Variants in GLYATL1B observed in about 807,000 individuals in gnomAD.
The protein encoded by GLYATL1B is glycine-N-acyltransferase like 1B.
In GLYATL1B, 6 loss-of-function variants were observed where a neutral mutation model predicts 5.5. That is an observed-to-expected ratio of 1.09 (90% CI 0.60 to 2.15). The LOEUF (loss-of-function observed/expected upper bound fraction) is 2.15. GLYATL1B is among the 30% of genes most tolerant of loss of function. GLYATL1B has a pLI of 0.00. For synonymous variants in GLYATL1B, 67 were observed against 34.9 expected, an observed-to-expected ratio of 1.92 and a Z score of -3.24; for missense variants, 135 against 94.1, an observed-to-expected ratio of 1.43 and a Z score of -1.80.
At chr11:59,087,625 G>A (rs1033089802) in intron 2 of GLYATL1B, among the ~76,000 whole-genome samples, 7 of 152,112 alleles carry the variant, frequency 4.6e-5, no homozygotes, top group East Asian at 1.9e-4. Context: ...CAGGAGGATC[G>A]CTTGAGGCCA....
intron 2 of GLYATL1B, among the ~76,000 whole-genome samples, chr11:59,089,416 A>G (rs1859261890): frequency 6.6e-6 from 1 of 152,204 alleles, no homozygotes; most frequent in African/African-American, 2.4e-5. Flanking sequence ...CTAAGTAGGC[A>G]CTGCCAGACT....
intron 2 of GLYATL1B, among the ~76,000 whole-genome samples, chr11:59,091,434 G>A (rs1047726213): frequency 6.6e-6 from 1 of 152,176 alleles, no homozygotes; most frequent in Non-Finnish European, 1.5e-5. Flanking sequence ...AGTATGGACA[G>A]ATCCCATCAC....
intron 2 of GLYATL1B, among the ~76,000 whole-genome samples, chr11:59,088,580 A>G (rs1219417492): frequency 6.6e-6 from 1 of 152,226 alleles, no homozygotes; most frequent in East Asian, 1.9e-4. Flanking sequence ...ACGCTAAATA[A>G]CTGTATGAAC....
intron 2 of GLYATL1B, among the ~76,000 whole-genome samples, chr11:59,092,708 C>A (rs1859342548): frequency 6.6e-6 from 1 of 152,336 alleles, no homozygotes; most frequent in Admixed American, 6.5e-5. Flanking sequence ...TCACAAGTAT[C>A]TTTCTTTAAA....
At chr11:59,093,351 G>A (rs185764555) in intron 2 of GLYATL1B, among the ~76,000 whole-genome samples, 178 bp from the exon 3 acceptor site, 95 of 152,298 alleles carry the variant, frequency 6.2e-4, no homozygotes, top group Non-Finnish European at 7.8e-4. Context: ...CAGTTACACA[G>A]GTAAGAGGTC....
chr11:59,092,759 C>A (rs1336369846), intron 2 of GLYATL1B, among the ~76,000 whole-genome samples: 2 of 152,148 alleles, frequency 1.3e-5, no homozygotes, highest in African/African-American at 4.8e-5. Context: ...CAGAGTGCTA[C>A]GGAAAATTCA....
chr11:59,087,535 G>C (rs1859215589), intron 2 of GLYATL1B, among the ~76,000 whole-genome samples: 1 of 152,082 alleles, frequency 6.6e-6, no homozygotes, highest in South Asian at 2.1e-4. Context: ...AACCAAGGCA[G>C]TAGTCTACCA....
intron 2 of GLYATL1B, among the ~76,000 whole-genome samples, chr11:59,087,570 C>T (rs1257234849): frequency 1.3e-5 from 2 of 152,136 alleles, no homozygotes; most frequent in African/African-American, 4.8e-5. Flanking sequence ...CATGGCCAGG[C>T]ATGATGTCTT....
chr11:59,093,045 C>G (rs560055090), intron 2 of GLYATL1B, among the ~76,000 whole-genome samples: 17 of 152,228 alleles, frequency 1.1e-4, no homozygotes, highest in South Asian at 6.2e-4. Flanking sequence ...TCAGTACAAC[C>G]CAGAATATGT....
At position 59,089,219 on chromosome 11, in the gene GLYATL1B, T is replaced by C. The variant is rs1859256986; in HGVS notation, c.186+2048T>C. Among the ~76,000 whole-genome samples the C allele has an allele frequency of 4.6e-5, 7 of 152,334 alleles. No homozygotes were observed. In the South Asian group the frequency reaches 1.0e-3, roughly 23 times the overall value. ...TTGTTTTAATAACTGTGGCGTTCCA[T>C]AGAGTCAATGCAATGCTATTTAGTC... On this transcript the variant is annotated intron_variant, in intron 2 of 4. Transcript: ENST00000527482.
intron 2 of GLYATL1B, among the ~76,000 whole-genome samples, chr11:59,092,171 TC>T (rs1180560635): frequency 6.6e-6 from 1 of 151,930 alleles, no homozygotes; most frequent in Non-Finnish European, 1.5e-5. Context: ...CTTTTTTTTT[TC>T]TTTTTTCTCT....
intron 2 of GLYATL1B, among the ~76,000 whole-genome samples, chr11:59,088,336 C>T (rs1220073007): frequency 6.6e-6 from 1 of 152,000 alleles, no homozygotes; most frequent in Non-Finnish European, 1.5e-5. Flanking sequence ...ATTTTTTGGC[C>T]CTAAAGACTT....
At chr11:59,089,069 TC>T (rs1859253003) in intron 2 of GLYATL1B, among the ~76,000 whole-genome samples, 1 of 152,202 alleles carries the variant, frequency 6.6e-6, no homozygotes, top group Non-Finnish European at 1.5e-5. Context: ...TTTGGGGTAA[TC>T]GGTGTCCTTG....
At position 59,094,003 on chromosome 11, in the gene GLYATL1B, C is replaced by T. The variant is rs1314156389; in HGVS notation, c.383C>T (p.Ser128Leu). The stretch of plus-strand genomic sequence containing the variant: ...TCAAATTCAGTGAAGGTAGAGCATT[C>T]GAGAGCACTCCTCTTTGTTACGGAA... ...AFSNSVKVEH[S>L]RALLFVTEDI... Residue 128 changes from serine to leucine, a missense_variant, in exon 4 of 5, where the codon TCG becomes TTG. By Grantham distance (145) the Ser-to-Leu change is moderately radical. Coordinates refer to ENST00000527482, the MANE Select transcript of GLYATL1B (RefSeq NM_001355566.1). 10 of 716,854 alleles carry T rather than the reference C, an allele frequency of 1.4e-5. No individual in the cohort carries two copies. The highest frequency in any genetic ancestry group is 1.6e-5 in the South Asian group (1 of 61,694). The allele number at this position is 716,854 out of a possible 1,614,324, so 44.4% of individuals were successfully genotyped here.
chr11:59,094,326 G>T, intron 4 of GLYATL1B, 43 bp from the exon 5 acceptor site: 2 of 493,334 alleles, frequency 4.1e-6, no homozygotes, highest in South Asian at 9.7e-5. Flanking sequence ...GAAATTACAG[G>T]AGTGGGGATG....
chr11:59,094,407 C>T lies in GLYATL1B; in HGVS notation c.530C>T (p.Ser177Phe). 1.6e-6 allele frequency: 1 copy of T among 634,038 alleles called. No individual in the cohort carries two copies. Among genetic ancestry groups the T allele is most frequent in the Non-Finnish European group, 2.9e-6 (1 of 350,364 alleles). 39.3% of individuals were successfully genotyped at this position (634,038 alleles called of 1,614,324 possible). A position where few individuals can be genotyped will look rare whatever the true frequency, so the allele number is the denominator to read the frequency against. The change falls in exon 5 of 5, where the codon TCT (serine) becomes TTT (phenylalanine). Residue 177 changes from serine to phenylalanine, a missense_variant. By Grantham distance (155) the Ser-to-Phe change is radical (BLOSUM62 -2). Transcript: ENST00000527482. ...TTTAAGTATGCCCAGCTGAATGTGT[C>T]TTATTCTGGGCTGGTAAATGACAAC... ...PNFKYAQLNVSYSGLVNDNWK... is the reference protein window; with the variant it reads ...PNFKYAQLNVFYSGLVNDNWK...
At chr11:59,088,820 C>G (rs1859247319) in intron 2 of GLYATL1B, among the ~76,000 whole-genome samples, 1 of 152,176 alleles carries the variant, frequency 6.6e-6, no homozygotes, top group Non-Finnish European at 1.5e-5. Context: ...AATACATTCA[C>G]TTAGTCTGAT....
chr11:59,091,912 C>A (rs752516027), intron 2 of GLYATL1B, among the ~76,000 whole-genome samples: 18 of 152,172 alleles, frequency 1.2e-4, no homozygotes, highest in Non-Finnish European at 2.4e-4. Flanking sequence ...TCCTTTGTAG[C>A]AACACGGATG....
At chr11:59,086,965 G>A (rs1266839225) in intron 1 of GLYATL1B, 99 bp from the exon 2 acceptor site, 8 of 463,172 alleles carry the variant, frequency 1.7e-5, no homozygotes, top group Non-Finnish European at 3.0e-5. Context: ...CTTGGTCCCA[G>A]TACTGTCTCT....
Sources: allele counts gnomAD v4.1 joint callset (sites outside exome capture counted in the v4.1 genomes callset), GRCh38; gene constraint gnomAD v4.1.1; transcripts MANE v1.5; gene names NCBI Gene and HGNC (gene_info 2026-07-23, HGNC 2026-07-21).